CPLANE1: variants seen among roughly 807,000 people sequenced by gnomAD.
CPLANE1 encodes the protein ciliogenesis and planar polarity effector complex subunit 1, also known as ciliogenesis and planar polarity effector 1.
CPLANE1 carries 263 observed loss-of-function variants against 362.5 expected under a neutral mutation model. The observed-to-expected ratio is 0.73, with a 90% CI of 0.66 to 0.80. The LOEUF (loss-of-function observed/expected upper bound fraction) is 0.80, where lower values mean the gene tolerates loss of function less well. CPLANE1 is among the 30% of genes least tolerant of loss of function. The probability of loss-of-function intolerance (pLI) is 0.00; values close to 1 mark genes in which losing one functional copy is unlikely to be tolerated. For missense variants in CPLANE1, 3,461 were observed against 3,793.4 expected (o/e 0.91, Z 2.30); for synonymous variants, 1,212 against 1,302.6 (o/e 0.93, Z 1.50).
chr5:37,180,866 T>C lies in CPLANE1; in HGVS notation c.5561A>G (p.Asn1854Ser). The C allele has an allele frequency of 6.2e-7, 1 of 1,614,014 alleles. No individual in the cohort carries two copies. The highest frequency in any genetic ancestry group is 8.5e-7 in the Non-Finnish European group (1 of 1,179,946). The change falls in exon 27 of 53, where the codon AAT (asparagine) becomes AGT (serine). Residue 1854 changes from asparagine to serine, a missense_variant. Asn to Ser is a conservative substitution (Grantham distance 46). Coordinates refer to ENST00000651892, the MANE Select transcript of CPLANE1 (RefSeq NM_001384732.1). ...ATAATCGGCAACTTACTTCAAGATA[T>C]TTTGACAAGATTTATTCTGACCATT... is the stretch of plus-strand genomic sequence containing the variant. ...ERNGQNKSCQ[N>S]ILNRMPTEAK...
chr5:37,145,407 T>C (rs76310298), intron 43 of CPLANE1, among the ~76,000 whole-genome samples: 3,248 of 152,284 alleles, frequency 0.021, 128 homozygotes, highest in African/African-American at 0.075. Context: ...GTAGATATAT[T>C]CACCTTAATT....
At position 37,245,350 on chromosome 5, in the gene CPLANE1, T is replaced by TAC. The variant is rs1194593517; in HGVS notation, c.337+127_337+128dup. On this transcript the variant is annotated intron_variant, in intron 4 of 52. Coordinates refer to ENST00000651892, the MANE Select transcript of CPLANE1 (RefSeq NM_001384732.1). ...ATATATATATATATATATATATATA[T>TAC]ACACACACTCAGATATACATATGCA... 869 of 108,630 alleles carry TAC rather than the reference T, an allele frequency of 8.0e-3. 37 individuals carry two copies. The highest frequency in any genetic ancestry group is 9.3e-3 in the Non-Finnish European group (494 of 52,930). The allele number at this position is 108,630 out of a possible 1,614,324, so 6.7% of individuals were successfully genotyped here.
intron 41 of CPLANE1, among the ~76,000 whole-genome samples, chr5:37,155,315 T>C (rs1292557755): frequency 6.6e-6 from 1 of 152,226 alleles, no homozygotes; most frequent in African/African-American, 2.4e-5. Flanking sequence ...TCTCTTGCTA[T>C]TTCTTTAAAC....
chr5:37,154,039 A>T, intron 41 of CPLANE1, 46 bp from the exon 42 acceptor site: 1 of 1,513,510 alleles, frequency 6.6e-7, no homozygotes, highest in Admixed American at 2.0e-5. Flanking sequence ...TAATTAAAGA[A>T]GAGGTATTAT....
At position 37,183,693 on chromosome 5, in the gene CPLANE1, G is replaced by A; in HGVS notation, c.4488C>T (p.Ala1496=). ...TTGATGTTAATTCCATGTGATTTGG[G>A]GCATTTCTATAGCAAAAAAATAAAA... is the stretch of plus-strand genomic sequence containing the variant. ...KSRINIYQRN[A]PNHMELTSIH... Residue 1496 remains alanine (A), a synonymous_variant, in exon 26 of 53, where the codon GCC becomes GCT. Coordinates refer to ENST00000651892, the MANE Select transcript of CPLANE1 (RefSeq NM_001384732.1). The A allele has an allele frequency of 6.4e-7, 1 of 1,559,786 alleles. No homozygotes were observed. Among genetic ancestry groups the A allele is most frequent in the Non-Finnish European group, 8.6e-7 (1 of 1,158,686 alleles).
intron 47 of CPLANE1, 33 bp downstream of exon 47, chr5:37,125,211 G>C: frequency 6.3e-7 from 1 of 1,578,004 alleles, no homozygotes; most frequent in Non-Finnish European, 8.6e-7. Context: ...CACATATTCT[G>C]TAATTCCATT....
In CPLANE1 at chr5:37,106,797, T is replaced by C. The variant is rs1220287541; in HGVS notation, c.*805A>G. ...TTTTTCAGATGATAGTGTGCTTTTA[T>C]ATTATACCAAACATTGATGAAGTAG... On this transcript the variant is annotated 3_prime_UTR_variant, in exon 53 of 53. Transcript: ENST00000651892. The C allele has an allele frequency of 2.1e-6, 2 of 947,848 alleles. No individual in the cohort carries two copies. Among genetic ancestry groups the C allele is most frequent in the African/African-American group, 3.5e-5 (2 of 56,474 alleles). The allele number at this position is 947,848 out of a possible 1,614,324, so 58.7% of individuals were successfully genotyped here.
chr5:37,142,607 T>C (rs1462018409), intron 43 of CPLANE1, 127 bp from the exon 44 acceptor site: 3 of 570,668 alleles, frequency 5.3e-6, no homozygotes, highest in Admixed American at 7.2e-5. Flanking sequence ...ATTATGCTAA[T>C]AGCTTTCTAC....
At chr5:37,192,228 T>A (rs1179037635) in intron 21 of CPLANE1, among the ~76,000 whole-genome samples, 1 of 152,242 alleles carries the variant, frequency 6.6e-6, no homozygotes, top group East Asian at 1.9e-4. Flanking sequence ...CAGTATTCAA[T>A]ATGGCAACAC....
At position 37,209,756 on chromosome 5, in the gene CPLANE1, T is replaced by G; in HGVS notation, c.2921-3331A>C. 1 of 1,230,820 alleles carries G rather than the reference T, an allele frequency of 8.1e-7. No homozygotes were observed. The highest frequency in any genetic ancestry group is 1.2e-6 in the Non-Finnish European group (1 of 833,330). The allele number at this position is 1,230,820 out of a possible 1,614,324, so 76.2% of individuals were successfully genotyped here. ...TGTACAAATCACTGGTTTCAGGAGCTGATAAAGAAAACCAAAAAGGTTTTC... is the reference window on the plus strand; with the variant it reads ...TGTACAAATCACTGGTTTCAGGAGCGGATAAAGAAAACCAAAAAGGTTTTC... On this transcript the variant is annotated intron_variant, in intron 16 of 52. Coordinates refer to ENST00000651892, the MANE Select transcript of CPLANE1 (RefSeq NM_001384732.1). This position sits in a 1 kb window ranked among gnomAD's most constrained non-coding sequence, Gnocchi z 4.6.
chr5:37,212,127 A>C (rs1351530974), intron 16 of CPLANE1: 2 of 981,242 alleles, frequency 2.0e-6, no homozygotes, highest in Non-Finnish European at 3.3e-6. Flanking sequence ...GGAAAGGAGG[A>C]TGACTGAAGA....
In CPLANE1 at chr5:37,120,299, C is replaced by G. The variant is rs376064818; in HGVS notation, c.9227G>C (p.Gly3076Ala). ...HGHSFLINRP[G>A]KVKYMSKPSY... ...CGGTTTGGACATATATTTGACTTTT[C>G]CAGGTCGATTTATTAGAAAACTGTG... Residue 3076 changes from glycine (G) to alanine (A), a missense_variant, in exon 50 of 53, where the codon GGA (glycine) becomes GCA (alanine). Gly to Ala is a moderately conservative substitution (Grantham distance 60). Transcript: ENST00000651892. The G allele has an allele frequency of 6.9e-6, 11 of 1,595,046 alleles. No homozygotes were observed. Among genetic ancestry groups the G allele is most frequent in the Admixed American group, 1.8e-5 (1 of 54,836 alleles).
At chr5:37,231,155 G>C in intron 8 of CPLANE1, 106 bp from the exon 9 acceptor site, 1 of 685,378 alleles carries the variant, frequency 1.5e-6, no homozygotes. Flanking sequence ...AAAAAATGAG[G>C]GCAAAAGAAT....
chr5:37,227,568 C>T lies in CPLANE1; in HGVS notation c.1371G>A (p.Lys457=). The change falls in exon 10 of 53, where the codon AAG becomes AAA. Residue 457 remains lysine (K), a splice_region_variant and synonymous_variant. Coordinates refer to ENST00000651892, the MANE Select transcript of CPLANE1 (RefSeq NM_001384732.1). ...CCAATGATATAAAAAAGCACTATAC[C>T]TTAGACAATATCACACTTTGATATA... ...EKIYQSVILS[K]PKGKGLNLRS... The T allele has an allele frequency of 6.5e-7, 1 of 1,548,912 alleles. No individual in the cohort carries two copies. Among genetic ancestry groups the T allele is most frequent in the Non-Finnish European group, 8.7e-7 (1 of 1,145,984 alleles).
At chr5:37,211,938 G>T in intron 16 of CPLANE1, 1 of 810,596 alleles carries the variant, frequency 1.2e-6, no homozygotes, top group Non-Finnish European at 2.2e-6. Flanking sequence ...AGCTGTAGCT[G>T]CTGTGCCCCT....
intron 9 of CPLANE1, 145 bp from the exon 10 acceptor site, chr5:37,227,962 T>A (rs1796820493): frequency 2.6e-6 from 2 of 762,458 alleles, no homozygotes; most frequent in East Asian, 5.4e-5. Flanking sequence ...TGTGTTTATA[T>A]CTTTCAGGAA....
rs767203223 is a variant in CPLANE1, at chr5:37,184,882, T to G, written c.4387A>C (p.Thr1463Pro). ...TGAACCACAGAATCTCCTAGTTCTG[T>G]GAGTGTACTTCTGCTCAAACTAGTC... is the stretch of plus-strand genomic sequence containing the variant. ...LGTSLSRSTL[T>P]ELGDSVVHSD... Residue 1463 changes from threonine (T) to proline (P), a missense_variant, in exon 25 of 53, where the codon ACA (threonine) becomes CCA (proline). This residue lies in a region of CPLANE1 where 3,380 missense variants were observed against 3,666.1 expected (regional missense o/e 0.92). Coordinates refer to ENST00000651892, the MANE Select transcript of CPLANE1 (RefSeq NM_001384732.1). 16 of 1,614,030 alleles carry G rather than the reference T, an allele frequency of 9.9e-6. 1 individual carries two copies. In the East Asian group the frequency reaches 3.6e-4, roughly 36 times the overall value.
chr5:37,129,502 C>T (rs1418239748), intron 46 of CPLANE1, among the ~76,000 whole-genome samples: 12 of 151,778 alleles, frequency 7.9e-5, no homozygotes, highest in South Asian at 4.2e-4. Flanking sequence ...TCTATACATC[C>T]GACAAAGAAC....
At chr5:37,115,772 A>G (rs917391527) in intron 50 of CPLANE1, among the ~76,000 whole-genome samples, 9 of 150,316 alleles carry the variant, frequency 6.0e-5, no homozygotes, top group African/African-American at 2.2e-4. Flanking sequence ...ACTTTTTTTT[A>G]TTTTTAGTAG....
Sources: gnomAD v4.1 joint callset for allele counts (sites outside exome capture counted in the v4.1 genomes callset) on GRCh38, gnomAD v4.1.1 for gene constraint, gnomAD v4.1.1 regional missense constraint, Gnocchi (gnomAD v3.1) non-coding constraint, MANE v1.5 for transcripts, NCBI Gene and HGNC (gene_info 2026-07-23, HGNC 2026-07-21) for gene names.